CHRNB4: variants seen among roughly 807,000 people sequenced by gnomAD.
The protein encoded by CHRNB4 is neuronal acetylcholine receptor subunit beta-4.
A neutral mutation model predicts 40.4 loss-of-function variants in CHRNB4; 23 were observed. The observed-to-expected ratio is 0.57, with a 90% CI of 0.41 to 0.81. The LOEUF is 0.81. CHRNB4 is among the 30% of genes least tolerant of loss of function. CHRNB4 has a pLI of 0.00. For synonymous variants in CHRNB4, 285 were observed against 274.4 expected (o/e 1.04, Z -0.38); for missense variants, 568 against 670.6 (o/e 0.85, Z 1.69).
At chr15:78,658,742 G>GAA (rs201564385) in intron 1 of CHRNB4, among the ~76,000 whole-genome samples, 1 of 151,784 alleles carries the variant, frequency 6.6e-6, no homozygotes, top group African/African-American at 2.4e-5. Context: ...TGAAGAGGGG[G>GAA]AAAAAAAAGC....
At chr15:78,651,439 CA>C (rs1791020506) in intron 6 of CHRNB4, among the ~76,000 whole-genome samples, 1 of 152,216 alleles carries the variant, frequency 6.6e-6, no homozygotes, top group African/African-American at 2.4e-5. Context: ...CTAAGTCTAC[CA>C]TAGGCATTTT....
upstream of CHRNB4, chr15:78,641,225 G>A: frequency 8.3e-7 from 1 of 1,208,776 alleles, no homozygotes; most frequent in Non-Finnish European, 1.1e-6. Flanking sequence ...GCCGGTCCTG[G>A]CCCCCGAGGT....
At chr15:78,645,191 C>T (rs573784820), upstream of CHRNB4, among the ~76,000 whole-genome samples, 9 of 152,366 alleles carry the variant, frequency 5.9e-5, no homozygotes, top group Non-Finnish European at 1.2e-4. Context: ...CAACCAGGGA[C>T]AGCCCTATGC....
At position 78,628,973 on chromosome 15, in the gene CHRNB4, G is replaced by A. The variant is rs2053725114; in HGVS notation, c.1332C>T (p.Asp444=). 5.6e-6 allele frequency: 9 copies of A among 1,611,580 alleles called. No homozygotes were observed. The highest frequency in any genetic ancestry group is 7.6e-6 in the Non-Finnish European group (9 of 1,178,022). ...IAQHMKNDDE[D]QSVVEDWKYV... is the part of the protein sequence containing the mutation. Reference sequence around the variant, plus strand: ...GGGCTGGTTAGCAACTTACACTCTGGTCTTCATCGTCATTCTTCATGTGCT... The same window carrying A: ...GGGCTGGTTAGCAACTTACACTCTGATCTTCATCGTCATTCTTCATGTGCT... The change falls in exon 5 of 6, where the codon GAC becomes GAT. Residue 444 remains aspartate, a synonymous_variant. Transcript: ENST00000261751.
At chr15:78,641,760 G>A (rs1488156522), upstream of CHRNB4, among the ~76,000 whole-genome samples, 1 of 152,212 alleles carries the variant, frequency 6.6e-6, no homozygotes, top group Admixed American at 6.5e-5. Context: ...AAGGAGCAGA[G>A]TTAAAAGGGA....
upstream of CHRNB4, among the ~76,000 whole-genome samples, chr15:78,643,412 G>A: frequency 6.6e-6 from 1 of 151,748 alleles, no homozygotes; most frequent in Middle Eastern, 3.2e-3. Flanking sequence ...ACCATGCCTG[G>A]CCCTATCTTT....
chr15:78,629,761 C>A lies in CHRNB4; in HGVS notation c.544G>T (p.Asp182Tyr). 1 of 1,614,074 alleles carries A rather than the reference C, an allele frequency of 6.2e-7. No individual in the cohort carries two copies. The highest frequency in any genetic ancestry group is 8.5e-7 in the Non-Finnish European group (1 of 1,179,978). ...GCTGTGGGCGTCATGAGGACCATGT[C>A]TATCTCCGTGTGGTCATAGGTCCAG... The part of the protein sequence containing the change: ...RSWTYDHTEI[D>Y]MVLMTPTASM... Residue 182 changes from aspartate (D) to tyrosine (Y), a missense_variant, in exon 5 of 6, where the codon GAC (aspartate) becomes TAC (tyrosine). By Grantham distance (160) the Asp-to-Tyr change is radical. This residue lies in a region of CHRNB4 where 127 missense variants were observed against 167.4 expected (regional missense o/e 0.76). Transcript: ENST00000261751. The surrounding 1 kb of genome is among the most constrained non-coding windows in gnomAD (Gnocchi z 6.8).
At chr15:78,641,356 T>C, upstream of CHRNB4, 1 of 465,614 alleles carries the variant, frequency 2.1e-6, no homozygotes, top group Admixed American at 4.5e-5. Flanking sequence ...GGACCCCACC[T>C]GCCGCCTGGC....
At chr15:78,632,078 G>T (rs1327287289) in intron 2 of CHRNB4, among the ~76,000 whole-genome samples, 1 of 152,130 alleles carries the variant, frequency 6.6e-6, no homozygotes, top group African/African-American at 2.4e-5. Flanking sequence ...TCCTATCTGA[G>T]AAATCTTCCC....
At chr15:78,648,291 G>A (rs1187268760) in intron 7 of CHRNB4, among the ~76,000 whole-genome samples, 2 of 151,468 alleles carry the variant, frequency 1.3e-5, no homozygotes, top group Non-Finnish European at 2.9e-5. Context: ...TACTCAGGAG[G>A]CTGAGGCAGG....
intron 1 of CHRNB4, among the ~76,000 whole-genome samples, chr15:78,636,866 G>A (rs2053961984): frequency 6.6e-6 from 1 of 152,222 alleles, no homozygotes; most frequent in African/African-American, 2.4e-5. Context: ...GAGGGTAACA[G>A]CAAGCAAAAA....
upstream of CHRNB4, among the ~76,000 whole-genome samples, chr15:78,645,456 G>C (rs1244876224): frequency 6.6e-6 from 1 of 151,974 alleles, no homozygotes; most frequent in Non-Finnish European, 1.5e-5. Flanking sequence ...TGTGTGTCTT[G>C]CCATATCTAA....
chr15:78,630,288 G>A (rs1236251615), intron 4 of CHRNB4, among the ~76,000 whole-genome samples: 16 of 151,992 alleles, frequency 1.1e-4, no homozygotes, highest in African/African-American at 3.4e-4. Context: ...ACAGGCATGC[G>A]CCACCACGCC....
In CHRNB4 at chr15:78,650,775, C is replaced by T. The variant is rs192569034; in HGVS notation, c.-15-1336G>A. Among the ~76,000 whole-genome samples the T allele has an allele frequency of 4.6e-5, 7 of 152,174 alleles. No individual in the cohort carries two copies. The East Asian group carries it at 5.8e-4, about 13-fold the overall frequency. ...CTGATTTATGCACAAGGCCACCAAA[C>T]GAGGAGGGGGAAGAACAGCTCTCAA... On this transcript the variant is annotated intron_variant and NMD_transcript_variant, in intron 6 of 11. Transcript: ENST00000559849.
Position 78,641,096 on chromosome 15 carries a change from A to G in CHRNB4, c.38T>C (p.Val13Ala). 1 of 1,582,114 alleles carries G rather than the reference A, an allele frequency of 6.3e-7. No homozygotes were observed. The highest frequency in any genetic ancestry group is 2.3e-5 in the East Asian group (1 of 43,480). Residue 13 changes from valine (V) to alanine (A), a missense_variant, in exon 1 of 6, where the codon GTC (valine) becomes GCC (alanine). Transcript: ENST00000261751. ...RAPSLVLFFLVALCGRGNCRV... is the reference protein window; with the variant it reads ...RAPSLVLFFLAALCGRGNCRV... ...GAACTCACCGCGCCCGCAAAGGGCG[A>G]CCAGGAAGAAAAGGACCAGGGAAGG...
chr15:78,647,320 ATTATATATATAAACATT>A (rs2054130273), intron 7 of CHRNB4, among the ~76,000 whole-genome samples: 2 of 151,778 alleles, frequency 1.3e-5, no homozygotes, highest in Non-Finnish European at 2.9e-5. Flanking sequence ...TATTTAAGGA[ATTATATATATAAACATT>A]TTATATATAT....
intron 1 of CHRNB4, among the ~76,000 whole-genome samples, chr15:78,639,967 T>C (rs2054035241): frequency 6.6e-6 from 1 of 152,226 alleles, no homozygotes; most frequent in Non-Finnish European, 1.5e-5. Flanking sequence ...CCATCTTTGA[T>C]GAGAGCTCCA....
At chr15:78,630,896 C>T in intron 4 of CHRNB4, 180 bp downstream of exon 4, 2 of 593,506 alleles carry the variant, frequency 3.4e-6, no homozygotes, top group Non-Finnish European at 6.0e-6. Flanking sequence ...TCCAACTCCC[C>T]ATCTGTAACT....
At chr15:78,646,225 G>A (rs140500601), upstream of CHRNB4, among the ~76,000 whole-genome samples, 808 of 152,222 alleles carry the variant, frequency 5.3e-3, 2 homozygotes, top group Middle Eastern at 0.017. Context: ...CATGACACAC[G>A]GAAACTTGAA....
Sources: gnomAD v4.1 joint callset for allele counts (sites outside exome capture counted in the v4.1 genomes callset) on GRCh38, gnomAD v4.1.1 for gene constraint, gnomAD v4.1.1 regional missense constraint, Gnocchi (gnomAD v3.1) non-coding constraint, MANE v1.5 for transcripts, NCBI Gene and HGNC (gene_info 2026-07-23, HGNC 2026-07-21) for gene names.